The following ERCC6L2 variants were observed in gnomAD, a reference collection of about 807,000 sequenced individuals.
The protein encoded by ERCC6L2 is ERCC excision repair 6 like 2, also known as DNA excision repair protein ERCC-6-like 2.
Under a neutral mutation model 132.0 loss-of-function variants are expected in ERCC6L2, and 77 were observed. That is an observed-to-expected ratio of 0.58 (90% CI 0.49 to 0.71). The LOEUF (loss-of-function observed/expected upper bound fraction) is 0.71, where lower values mean the gene tolerates loss of function less well. Among genes scored for constraint, ERCC6L2 ranks in the 30% least tolerant of loss-of-function variants. ERCC6L2 has a pLI of 0.00. For synonymous variants in ERCC6L2, 583 were observed against 632.4 expected (o/e 0.92, Z 1.17); for missense variants, 1,542 against 1,837.6 (o/e 0.84, Z 2.94).
At chr9:95,981,647 G>C (rs1832897963) in intron 17 of ERCC6L2, among the ~76,000 whole-genome samples, 1 of 152,104 alleles carries the variant, frequency 6.6e-6, no homozygotes, top group African/African-American at 2.4e-5. Flanking sequence ...TTAAGCTCAG[G>C]CGAAAAAGAA....
intron 3 of ERCC6L2, among the ~76,000 whole-genome samples, chr9:95,899,600 A>ATATATATATATG (rs746946004): frequency 2.2e-5 from 3 of 134,818 alleles, no homozygotes; most frequent in African/African-American, 8.6e-5. Flanking sequence ...TTATATATAT[A>ATATATATATATG]TGTGTGTGTG....
intron 2 of ERCC6L2, among the ~76,000 whole-genome samples, chr9:95,888,406 A>C (rs899645315): frequency 1.3e-5 from 2 of 152,192 alleles, no homozygotes; most frequent in African/African-American, 4.8e-5. Context: ...TCTGAAATGC[A>C]GTTTTTGGCC....
At chr9:95,999,576 C>T (rs891870296) in intron 17 of ERCC6L2, among the ~76,000 whole-genome samples, 4 of 152,132 alleles carry the variant, frequency 2.6e-5, no homozygotes, top group African/African-American at 9.7e-5. Context: ...AGAGTAAACA[C>T]GTAAATAATT....
At chr9:95,962,433 A>C (rs1810309709) in intron 13 of ERCC6L2, among the ~76,000 whole-genome samples, 1 of 152,154 alleles carries the variant, frequency 6.6e-6, no homozygotes, top group African/African-American at 2.4e-5. Context: ...CATTGCTTGC[A>C]TTTGTTTAAA....
chr9:95,932,513 T>G (rs1199738411), intron 11 of ERCC6L2, among the ~76,000 whole-genome samples: 6 of 152,200 alleles, frequency 3.9e-5, no homozygotes, highest in African/African-American at 9.6e-5. Context: ...GCATTTTTCC[T>G]GGGGTTTGTT....
intron 2 of ERCC6L2, among the ~76,000 whole-genome samples, chr9:95,897,284 C>A (rs1828516103): frequency 6.6e-6 from 1 of 152,150 alleles, no homozygotes; most frequent in African/African-American, 2.4e-5. Flanking sequence ...ATTTCTTGCT[C>A]TAATTTATTA....
chr9:95,999,374 T>A (rs972982621), intron 17 of ERCC6L2, among the ~76,000 whole-genome samples: 9 of 146,960 alleles, frequency 6.1e-5, no homozygotes, highest in South Asian at 2.2e-4. Context: ...AAAAAAAAAA[T>A]TTCCTTTTAT....
chr9:96,025,403 T>TA (rs1172748925), intron 19 of ERCC6L2, among the ~76,000 whole-genome samples: 1 of 152,218 alleles, frequency 6.6e-6, no homozygotes, highest in Non-Finnish European at 1.5e-5. Context: ...GAGTTTCTGT[T>TA]AACAGTGACA....
chr9:95,909,347 C>T (rs933945155), intron 4 of ERCC6L2, among the ~76,000 whole-genome samples: 1 of 152,122 alleles, frequency 6.6e-6, no homozygotes, highest in African/African-American at 2.4e-5. Flanking sequence ...TGGCCATGGG[C>T]AGTAGTATAC....
At chr9:95,949,695 A>C (rs930706379) in intron 12 of ERCC6L2, among the ~76,000 whole-genome samples, 2 of 152,176 alleles carry the variant, frequency 1.3e-5, no homozygotes, top group Non-Finnish European at 2.9e-5. Context: ...GAGGGAGTTC[A>C]TTACCACTAG....
chr9:96,009,992 A>C (rs1833977238), intron 18 of ERCC6L2, among the ~76,000 whole-genome samples: 1 of 152,240 alleles, frequency 6.6e-6, no homozygotes. Context: ...CCAATCACTT[A>C]ATCTTTACAA....
chr9:95,919,860 C>T (rs549058123), intron 6 of ERCC6L2, among the ~76,000 whole-genome samples: 1 of 152,272 alleles, frequency 6.6e-6, no homozygotes, highest in South Asian at 2.1e-4. Flanking sequence ...TAAAGAAATT[C>T]AGGACACCAC....
At chr9:95,899,187 T>A (rs1319268000) in intron 3 of ERCC6L2, among the ~76,000 whole-genome samples, 2 of 152,160 alleles carry the variant, frequency 1.3e-5, no homozygotes, top group Admixed American at 6.5e-5. Flanking sequence ...CAGTGATTCA[T>A]GCCTGTAATC....
At chr9:95,906,747 C>T (rs1829057175) in intron 3 of ERCC6L2, 1 of 463,786 alleles carries the variant, frequency 2.2e-6, no homozygotes, top group Non-Finnish European at 4.3e-6. Context: ...GAAGCTATTA[C>T]TGGGATCCAG....
At chr9:96,000,806 G>A (rs1207081873) in intron 17 of ERCC6L2, among the ~76,000 whole-genome samples, 5 of 152,186 alleles carry the variant, frequency 3.3e-5, no homozygotes, top group Admixed American at 1.3e-4. Context: ...AAATTAGCTC[G>A]GCCTGTGGGC....
chr9:95,934,988 T>C (rs1487672184), intron 11 of ERCC6L2, among the ~76,000 whole-genome samples: 2 of 152,242 alleles, frequency 1.3e-5, no homozygotes, highest in Non-Finnish European at 1.5e-5. Context: ...TTATATGCCT[T>C]TTGTTAAAAT....
intron 12 of ERCC6L2, among the ~76,000 whole-genome samples, chr9:95,954,091 A>G (rs1000275223): frequency 5.3e-5 from 8 of 152,194 alleles, no homozygotes; most frequent in Non-Finnish European, 1.2e-4. Flanking sequence ...CATTTTACAT[A>G]TGAGAAAGCT....
chr9:96,017,841 C>T lies in ERCC6L2; in HGVS notation c.*4638C>T, dbSNP rs1044149580. 6.6e-6 allele frequency among the ~76,000 whole-genome samples: 1 copy of T among 152,144 alleles called. No homozygotes were observed. The highest frequency in any genetic ancestry group is 6.6e-5 in the Admixed American group (1 of 15,266). On this transcript the variant is annotated 3_prime_UTR_variant, in exon 19 of 19. Transcript: ENST00000653738. ...GGCATTATTCACAATGGCTACAACACGAAGAAAGCATTCCAAGTACCTATC... is the reference window on the plus strand; with the variant it reads ...GGCATTATTCACAATGGCTACAACATGAAGAAAGCATTCCAAGTACCTATC...
intron 2 of ERCC6L2, among the ~76,000 whole-genome samples, chr9:95,890,435 G>A (rs1385907469): frequency 1.3e-5 from 2 of 152,258 alleles, no homozygotes; most frequent in Non-Finnish European, 1.5e-5. Flanking sequence ...CACATAGCTA[G>A]TATGAAACTG....
Sources: allele counts gnomAD v4.1 joint callset (sites outside exome capture counted in the v4.1 genomes callset), GRCh38; gene constraint gnomAD v4.1.1; transcripts MANE v1.5; gene names NCBI Gene and HGNC (gene_info 2026-07-23, HGNC 2026-07-21).